TACR1: variants seen among roughly 807,000 people sequenced by gnomAD.
TACR1 encodes the protein substance-P receptor.
TACR1 carries 25 observed loss-of-function variants against 35.8 expected under a neutral mutation model. The observed-to-expected ratio is 0.70, with a 90% CI of 0.51 to 0.98. The LOEUF (loss-of-function observed/expected upper bound fraction) is 0.98. Ranked by LOEUF, TACR1 falls within the 50% of genes least tolerant of loss-of-function variation. The pLI is 0.00. For synonymous variants in TACR1, 195 were observed against 206.7 expected (o/e 0.94, Z 0.48); for missense variants, 478 against 522.9 (o/e 0.91, Z 0.84).
intron 2 of TACR1, among the ~76,000 whole-genome samples, chr2:75,092,994 TA>T (rs1353473113): frequency 6.6e-6 from 1 of 152,234 alleles, no homozygotes; most frequent in Non-Finnish European, 1.5e-5. Flanking sequence ...TTATGTGTAG[TA>T]AACTAAATTC....
chr2:75,142,916 G>A (rs1317158890), intron 1 of TACR1, among the ~76,000 whole-genome samples: 1 of 152,202 alleles, frequency 6.6e-6, no homozygotes, highest in East Asian at 1.9e-4. Flanking sequence ...AATCATGATA[G>A]TTGTGGAGTA....
intron 1 of TACR1, among the ~76,000 whole-genome samples, chr2:75,164,109 C>T (rs953316208): frequency 2.0e-5 from 3 of 152,106 alleles, no homozygotes; most frequent in South Asian, 2.1e-4. Context: ...GGATGGTTCA[C>T]GAGGTCAGGA....
chr2:75,154,902 C>T (rs1674807637), intron 1 of TACR1, among the ~76,000 whole-genome samples: 1 of 152,164 alleles, frequency 6.6e-6, no homozygotes, highest in African/African-American at 2.4e-5. Flanking sequence ...TGGCCTGCTC[C>T]CTACCTCAGT....
intron 1 of TACR1, among the ~76,000 whole-genome samples, chr2:75,140,524 C>A (rs1008967347): frequency 6.6e-6 from 1 of 152,040 alleles, no homozygotes; most frequent in East Asian, 1.9e-4. Context: ...TCAGGGAGTT[C>A]TTGAAAAGGC....
At chr2:75,148,181 C>T (rs571932786) in intron 1 of TACR1, among the ~76,000 whole-genome samples, 88 of 152,212 alleles carry the variant, frequency 5.8e-4, no homozygotes, top group African/African-American at 1.7e-3. Context: ...AATAAACATA[C>T]GTATGCATGT....
intron 1 of TACR1, among the ~76,000 whole-genome samples, chr2:75,155,148 T>C (rs1674814265): frequency 2.0e-5 from 3 of 151,720 alleles, no homozygotes; most frequent in Admixed American, 2.0e-4. Context: ...GAGGGACTGT[T>C]CCCAAGCCCC....
intron 2 of TACR1, among the ~76,000 whole-genome samples, chr2:75,099,805 G>T (rs1673497538): frequency 6.6e-6 from 1 of 152,110 alleles, no homozygotes; most frequent in Non-Finnish European, 1.5e-5. Context: ...ACCTTCTTCA[G>T]CCAGATCTCC....
At chr2:75,125,247 G>A (rs1238644830) in intron 1 of TACR1, among the ~76,000 whole-genome samples, 1 of 151,588 alleles carries the variant, frequency 6.6e-6, no homozygotes, top group Non-Finnish European at 1.5e-5. Flanking sequence ...GCAGTGGTAT[G>A]ATCTCGGCTC....
At chr2:75,152,853 C>G (rs1674704802) in intron 1 of TACR1, among the ~76,000 whole-genome samples, 1 of 152,128 alleles carries the variant, frequency 6.6e-6, no homozygotes, top group Non-Finnish European at 1.5e-5. Flanking sequence ...GTGGGTGGAT[C>G]AAAGGCTATT....
intron 2 of TACR1, among the ~76,000 whole-genome samples, chr2:75,112,812 C>T (rs1022968346): frequency 1.3e-5 from 2 of 152,074 alleles, no homozygotes; most frequent in African/African-American, 4.8e-5. Flanking sequence ...AACAGATTTC[C>T]TGATAATTTA....
intron 1 of TACR1, among the ~76,000 whole-genome samples, chr2:75,160,581 G>A (rs71337725): frequency 0.35 from 52,296 of 150,818 alleles, 10,412 homozygotes; most frequent in South Asian, 0.49. Context: ...AGTTAAAAAT[G>A]CAGTTACAAA....
intron 2 of TACR1, among the ~76,000 whole-genome samples, chr2:75,115,926 AAAG>A (rs1673847756): frequency 6.6e-6 from 1 of 151,458 alleles, no homozygotes; most frequent in Admixed American, 6.6e-5. Context: ...AAAAAAAAAA[AAAG>A]AGAAGCTCTT....
At position 75,101,233 on chromosome 2, in the gene TACR1, G is replaced by A. The variant is rs55744378; in HGVS notation, c.584+19341C>T. Among the ~76,000 whole-genome samples the A allele has an allele frequency of 9.7e-3, 1,471 of 152,158 alleles. 30 individuals are homozygous for A. The highest frequency in any genetic ancestry group is 0.034 in the African/African-American group (1,398 of 41,516). ...CTAGCTTCTAATAAGAAGATATTCCGAAAGAGATAAAAATAATAGAGATGA... is the reference window on the plus strand; with the variant it reads ...CTAGCTTCTAATAAGAAGATATTCCAAAAGAGATAAAAATAATAGAGATGA... On this transcript the variant is annotated intron_variant, in intron 2 of 4. Transcript: ENST00000305249.
At chr2:75,135,029 C>T (rs1247304166) in intron 1 of TACR1, among the ~76,000 whole-genome samples, 1 of 152,164 alleles carries the variant, frequency 6.6e-6, no homozygotes, top group Non-Finnish European at 1.5e-5. Flanking sequence ...AATAGGCTCT[C>T]CAGAAAGTAA....
At chr2:75,094,852 TA>T (rs1164945179) in intron 2 of TACR1, among the ~76,000 whole-genome samples, 11 of 90,114 alleles carry the variant, frequency 1.2e-4, no homozygotes, top group Admixed American at 5.8e-4. Context: ...TATATATATA[TA>T]TATATATTTT....
intron 2 of TACR1, among the ~76,000 whole-genome samples, chr2:75,064,891 T>A (rs1171703100): frequency 6.6e-6 from 1 of 152,144 alleles, no homozygotes; most frequent in Non-Finnish European, 1.5e-5. Context: ...AAGCTCCTAG[T>A]GGTAAGTTAA....
intron 2 of TACR1, among the ~76,000 whole-genome samples, chr2:75,068,962 A>G (rs4374403): frequency 0.25 from 37,509 of 152,126 alleles, 5,926 homozygotes; most frequent in African/African-American, 0.42. Flanking sequence ...CCCAAATCTC[A>G]TTTTGAATTG....
chr2:75,134,599 A>C (rs1369355023), intron 1 of TACR1, among the ~76,000 whole-genome samples: 1 of 152,222 alleles, frequency 6.6e-6, no homozygotes, highest in Non-Finnish European at 1.5e-5. Flanking sequence ...GCTGGCATGC[A>C]CAATCTATGG....
rs540756213 is a variant in TACR1, at chr2:75,093,580, C to T, written c.584+26994G>A. Among the ~76,000 whole-genome samples, 8 of 152,256 alleles carry T rather than the reference C, an allele frequency of 5.3e-5. No homozygotes were observed. The South Asian group carries it at 1.7e-3, about 32-fold the overall frequency. The stretch of plus-strand genomic sequence containing the variant: ...GACAGGAGTCTGCAGCCCCTGAGCC[C>T]ACCCATCTGCGTAGACTGCAGGAGC... On this transcript the variant is annotated intron_variant, in intron 2 of 4. Transcript: ENST00000305249.
Sources: allele counts gnomAD v4.1 joint callset (sites outside exome capture counted in the v4.1 genomes callset), GRCh38; gene constraint gnomAD v4.1.1; transcripts MANE v1.5; gene names NCBI Gene and HGNC (gene_info 2026-07-23, HGNC 2026-07-21).